The following MAP2K1 variants were observed in gnomAD, a reference collection of about 807,000 sequenced individuals.
The protein encoded by MAP2K1 is mitogen-activated protein kinase kinase 1.
Under a neutral mutation model 46.3 loss-of-function variants are expected in MAP2K1, and 16 were observed. That is an observed-to-expected ratio of 0.35 (90% CI 0.23 to 0.52). The LOEUF (loss-of-function observed/expected upper bound fraction) is 0.52. Among genes scored for constraint, MAP2K1 ranks in the 20% least tolerant of loss-of-function variants. The probability of loss-of-function intolerance (pLI) is 0.94; values close to 1 mark genes in which losing one functional copy is unlikely to be tolerated. For missense variants in MAP2K1, 263 were observed against 497.1 expected (o/e 0.53, Z 4.48); for synonymous variants, 183 against 185.6 (o/e 0.99, Z 0.11).
chr15:66,481,433 T>C (rs1271713937), intron 5 of MAP2K1, among the ~76,000 whole-genome samples: 1 of 152,188 alleles, frequency 6.6e-6, no homozygotes, highest in Admixed American at 6.5e-5. Flanking sequence ...GCAACAGACT[T>C]TGAAATCCTG....
At chr15:66,480,333 T>A (rs531078940) in intron 5 of MAP2K1, among the ~76,000 whole-genome samples, 94 of 152,184 alleles carry the variant, frequency 6.2e-4, no homozygotes, top group African/African-American at 2.2e-3. Context: ...CAGGTGATCT[T>A]CCTGCCTTGG....
chr15:66,455,559 T>C (rs1892145034), intron 5 of MAP2K1, among the ~76,000 whole-genome samples: 1 of 152,102 alleles, frequency 6.6e-6, no homozygotes, highest in African/African-American at 2.4e-5. Context: ...GTTACTGTTT[T>C]TCCACCTAGG....
At chr15:66,489,794 A>G (rs749827338) in intron 10 of MAP2K1, 31 bp downstream of exon 10, 4 of 1,571,746 alleles carry the variant, frequency 2.5e-6, no homozygotes, top group South Asian at 1.1e-5. Flanking sequence ...TTCTTACAGT[A>G]CCTGTTTATT....
intron 2 of MAP2K1, among the ~76,000 whole-genome samples, chr15:66,435,832 C>T (rs1201383851): frequency 6.6e-6 from 1 of 152,176 alleles, no homozygotes; most frequent in East Asian, 1.9e-4. Flanking sequence ...CACCCAGCCC[C>T]AGCGATGCAC....
chr15:66,485,296 T>C (rs1893011058), intron 7 of MAP2K1, 105 bp downstream of exon 7: 27 of 1,133,236 alleles, frequency 2.4e-5, no homozygotes, highest in Non-Finnish European at 3.2e-5. Flanking sequence ...CCAAGACTGA[T>C]TCTCTGTCCC....
intron 5 of MAP2K1, chr15:66,453,365 C>T (rs1892085740): frequency 4.7e-6 from 3 of 643,812 alleles, no homozygotes; most frequent in Admixed American, 4.7e-5. Context: ...GAGTTTACCA[C>T]TTGCACAGCC....
At chr15:66,424,365 T>G (rs1159021438) in intron 1 of MAP2K1, among the ~76,000 whole-genome samples, 1 of 152,174 alleles carries the variant, frequency 6.6e-6, no homozygotes, top group Admixed American at 6.5e-5. Flanking sequence ...GCCCGTGTCT[T>G]GTAATTTTTG....
intron 5 of MAP2K1, among the ~76,000 whole-genome samples, chr15:66,478,506 ATT>A (rs757731747): frequency 1.4e-5 from 2 of 141,424 alleles, no homozygotes; most frequent in Admixed American, 7.3e-5. Flanking sequence ...ATATATATAT[ATT>A]TTTTTTTTGA....
chr15:66,416,055 C>T (rs1360199913), intron 1 of MAP2K1, among the ~76,000 whole-genome samples: 1 of 152,290 alleles, frequency 6.6e-6, no homozygotes, highest in African/African-American at 2.4e-5. Flanking sequence ...CATGGTCTAG[C>T]TCAGTTTACC....
chr15:66,470,091 CTTGTTTTTTTT>C (rs1892589017), intron 5 of MAP2K1, among the ~76,000 whole-genome samples: 1 of 55,740 alleles, frequency 1.8e-5, no homozygotes, highest in South Asian at 6.5e-4. Context: ...ACTTTTTTTT[CTTGTTTTTTTT>C]TTTTTTTTTT....
chr15:66,467,268 A>G (rs1892491693), intron 5 of MAP2K1, among the ~76,000 whole-genome samples: 1 of 152,182 alleles, frequency 6.6e-6, no homozygotes, highest in Non-Finnish European at 1.5e-5. Flanking sequence ...TCATTGCAAA[A>G]TTATAACTGA....
chr15:66,392,264 T>TTTTG, intron 1 of MAP2K1, among the ~76,000 whole-genome samples: 1 of 130,522 alleles, frequency 7.7e-6, no homozygotes, highest in East Asian at 2.1e-4. Context: ...GGTTTTTTTT[T>TTTTG]TTTTTTTTTT....
Position 66,469,135 on chromosome 15 carries a change from A to T in MAP2K1, c.569-12620A>T, listed in dbSNP as rs966539369. ...GCAAGGCATGGTGGCAGGCGCCTGT[A>T]ACCCCAGCTACTCCGGAGGCTGAGG... On this transcript the variant is annotated intron_variant, in intron 5 of 10. Transcript: ENST00000307102. Among the ~76,000 whole-genome samples the T allele has an allele frequency of 5.9e-5, 9 of 151,620 alleles. 1 individual carries two copies. The highest frequency in any genetic ancestry group is 2.0e-4 in the Admixed American group (3 of 15,204).
intron 6 of MAP2K1, among the ~76,000 whole-genome samples, chr15:66,483,330 ACT>A (rs1892958181): frequency 6.6e-6 from 1 of 151,898 alleles, no homozygotes; most frequent in Non-Finnish European, 1.5e-5. Flanking sequence ...CCACAGTGGA[ACT>A]CTCTTTCTCT....
At chr15:66,481,921 C>A (rs1892923984) in intron 6 of MAP2K1, 42 bp downstream of exon 6, 1 of 1,604,882 alleles carries the variant, frequency 6.2e-7, no homozygotes, top group South Asian at 1.1e-5. Flanking sequence ...CTTGTACGGT[C>A]AGGGAGAGGA....
intron 9 of MAP2K1, 61 bp downstream of exon 9, chr15:66,489,337 A>C: frequency 1.4e-6 from 2 of 1,463,446 alleles, no homozygotes; most frequent in Non-Finnish European, 1.9e-6. Flanking sequence ...TCCCCACCCC[A>C]TTTCTGGAAG....
At chr15:66,468,504 A>C (rs1254586470) in intron 5 of MAP2K1, among the ~76,000 whole-genome samples, 2 of 152,242 alleles carry the variant, frequency 1.3e-5, no homozygotes, top group African/African-American at 4.8e-5. Flanking sequence ...GAAATCTATC[A>C]TAGGATTGTA....
At chr15:66,480,732 C>G (rs573269534) in intron 5 of MAP2K1, among the ~76,000 whole-genome samples, 71 of 152,142 alleles carry the variant, frequency 4.7e-4, no homozygotes, top group Non-Finnish European at 6.5e-4. Context: ...TTAATATAGA[C>G]ACCATATAGG....
intron 5 of MAP2K1, among the ~76,000 whole-genome samples, chr15:66,467,583 CAA>C (rs1892499512): frequency 1.3e-5 from 2 of 151,628 alleles, no homozygotes; most frequent in Non-Finnish European, 2.9e-5. Context: ...TTTTTTTAAA[CAA>C]AGTCTGGCTC....
Sources: allele counts gnomAD v4.1 joint callset (sites outside exome capture counted in the v4.1 genomes callset), GRCh38; gene constraint gnomAD v4.1.1; transcripts MANE v1.5; gene names NCBI Gene and HGNC (gene_info 2026-07-23, HGNC 2026-07-21).